Variants in ZSWIM3 observed in about 807,000 individuals in gnomAD.
ZSWIM3 encodes zinc finger SWIM-type containing 3, also known as zinc finger SWIM domain-containing protein 3.
A neutral mutation model predicts 47.5 loss-of-function variants in ZSWIM3; 27 were observed. The observed-to-expected ratio is 0.57, with a 90% CI of 0.42 to 0.78. ZSWIM3 has a LOEUF of 0.78. Among genes scored for constraint, ZSWIM3 ranks in the 30% least tolerant of loss-of-function variants. The probability of loss-of-function intolerance (pLI) is 0.00; values close to 1 mark genes in which losing one functional copy is unlikely to be tolerated. For synonymous variants in ZSWIM3, 333 were observed against 333.9 expected (o/e 1.00, Z 0.03); for missense variants, 689 against 861.3 (o/e 0.80, Z 2.50).
At chr20:45,872,636 G>A (rs1985999146) in intron 1 of ZSWIM3, 1 of 1,090,642 alleles carries the variant, frequency 9.2e-7, no homozygotes. Flanking sequence ...AGAGCATGGT[G>A]AACACACAAA....
At chr20:45,865,887 G>A (rs910865573) in intron 1 of ZSWIM3, among the ~76,000 whole-genome samples, 2 of 151,706 alleles carry the variant, frequency 1.3e-5, no homozygotes, top group Admixed American at 6.6e-5. Context: ...CAGCTACTCC[G>A]GAGGGTGAGG....
In ZSWIM3 at chr20:45,878,160, GC is replaced by G; in HGVS notation, c.1603del (p.Leu535CysfsTer2). ...DMAGSSVDVQLLEDSHQVSKD... is the reference protein window; with the variant it reads ...DMAGSSVDVQXLEDSHQVSKD... ...TGGCTGGCTCTTCAGTGGACGTTCA[GC>G]TGCTAGAGGACTCTCACCAGGTTAG... On this transcript the variant is annotated frameshift_variant, in exon 2 of 2. Transcript: ENST00000255152. LOFTEE classifies it high-confidence loss of function. 6.2e-7 allele frequency: 1 copy of G among 1,614,212 alleles called. No individual in the cohort carries two copies. Among genetic ancestry groups the G allele is most frequent in the Non-Finnish European group, 8.5e-7 (1 of 1,180,048 alleles).
At chr20:45,873,853 G>A (rs1275917114) in intron 1 of ZSWIM3, among the ~76,000 whole-genome samples, 1 of 152,212 alleles carries the variant, frequency 6.6e-6, no homozygotes, top group African/African-American at 2.4e-5. Context: ...AGAGGCAGGA[G>A]CAATTACTGT....
At chr20:45,874,841 G>T (rs977402294) in intron 1 of ZSWIM3, among the ~76,000 whole-genome samples, 8 of 151,994 alleles carry the variant, frequency 5.3e-5, no homozygotes, top group African/African-American at 1.9e-4. Context: ...TTAGAAGTGC[G>T]GTAGAGGAAT....
intron 1 of ZSWIM3, among the ~76,000 whole-genome samples, chr20:45,875,850 G>T (rs1312566827): frequency 6.6e-6 from 1 of 151,764 alleles, no homozygotes; most frequent in African/African-American, 2.4e-5. Context: ...TTAAAAAAAA[G>T]AGATAGACTC....
At chr20:45,870,329 G>A (rs1052062982) in intron 1 of ZSWIM3, among the ~76,000 whole-genome samples, 36 of 138,560 alleles carry the variant, frequency 2.6e-4, no homozygotes, top group African/African-American at 8.9e-4. Flanking sequence ...GACAGAGGGA[G>A]ACTCCGTCTC....
chr20:45,878,425 A>G lies in ZSWIM3; in HGVS notation c.1867A>G (p.Ser623Gly), dbSNP rs1395690529. Reference protein sequence around the residue: ...QGRNDMIQDLSRELANLLMQT... With the variant: ...QGRNDMIQDLGRELANLLMQT... ...ACGGAACGACATGATTCAGGACCTA[A>G]GCAGGGAGTTAGCAAACCTGCTCAT... Residue 623 changes from serine (S) to glycine (G), a missense_variant, in exon 2 of 2, where the codon AGC (serine) becomes GGC (glycine). Physicochemically the swap from Ser to Gly is moderately conservative, Grantham distance 56 (BLOSUM62 0). Transcript: ENST00000255152. 1.2e-6 allele frequency: 2 copies of G among 1,614,096 alleles called. No individual in the cohort carries two copies. The highest frequency in any genetic ancestry group is 2.7e-5 in the African/African-American group (2 of 74,936).
rs1986171591 is a variant in ZSWIM3 at position 45,878,667 on chromosome 20, A to G, written c.*18A>G. 1 of 1,587,552 alleles carries G rather than the reference A, an allele frequency of 6.3e-7. No individual in the cohort carries two copies. The highest frequency in any genetic ancestry group is 1.3e-5 in the African/African-American group (1 of 74,306). ...ATTATTGAAGCACTTTAGCTGAAGC[A>G]TTGGACCACAAACACTTCTCCTTGG... On this transcript the variant is annotated 3_prime_UTR_variant, in exon 2 of 2. Transcript: ENST00000255152.
chr20:45,874,519 A>C (rs1451292739), intron 1 of ZSWIM3, among the ~76,000 whole-genome samples: 2 of 152,194 alleles, frequency 1.3e-5, no homozygotes, highest in East Asian at 3.8e-4. Flanking sequence ...TTTCAAAAAG[A>C]AAGATGAGCA....
intron 1 of ZSWIM3, among the ~76,000 whole-genome samples, chr20:45,860,705 C>T (rs1012622532): frequency 3.3e-5 from 5 of 152,080 alleles, no homozygotes; most frequent in Non-Finnish European, 5.9e-5. Context: ...CCCTCTTCCA[C>T]TTTTAAGGAT....
intron 1 of ZSWIM3, among the ~76,000 whole-genome samples, chr20:45,862,636 C>T (rs1482257900): frequency 6.6e-6 from 1 of 152,086 alleles, no homozygotes; most frequent in Non-Finnish European, 1.5e-5. Context: ...AGACTACAGG[C>T]ATGCACCACC....
At chr20:45,864,637 C>T (rs1223908148) in intron 1 of ZSWIM3, among the ~76,000 whole-genome samples, 1 of 151,942 alleles carries the variant, frequency 6.6e-6, no homozygotes, top group Non-Finnish European at 1.5e-5. Flanking sequence ...TCGAGGCGGG[C>T]GGATCACTTA....
At chr20:45,876,646 G>T (rs1014022911) in intron 1 of ZSWIM3, 68 bp from the exon 2 acceptor site, 4 of 1,543,970 alleles carry the variant, frequency 2.6e-6, no homozygotes, top group African/African-American at 2.8e-5. Context: ...GCCCCCTTCA[G>T]GGTCTTATCT....
At chr20:45,861,289 G>T (rs113783773) in intron 1 of ZSWIM3, among the ~76,000 whole-genome samples, 2 of 152,242 alleles carry the variant, frequency 1.3e-5, no homozygotes, top group Non-Finnish European at 2.9e-5. Context: ...AGTGGTGTGT[G>T]CCTGTAGTAC....
chr20:45,877,273 G>C lies in ZSWIM3; in HGVS notation c.715G>C (p.Val239Leu), dbSNP rs889903504. 1.2e-6 allele frequency: 2 copies of C among 1,614,026 alleles called. No homozygotes were observed. Among genetic ancestry groups the C allele is most frequent in the African/African-American group, 2.7e-5 (2 of 74,912 alleles). ...TQGHILYAFL[V>L]ENKERESRVV... ...GGGCCACATCCTCTATGCTTTCTTG[G>C]TGGAGAACAAGGAACGAGAAAGTCG... The change falls in exon 2 of 2, where the codon GTG (valine) becomes CTG (leucine). Residue 239 changes from valine (V) to leucine (L), a missense_variant. By Grantham distance (32) the Val-to-Leu change is conservative. Transcript: ENST00000255152.
chr20:45,869,435 C>T (rs935473481), intron 1 of ZSWIM3, among the ~76,000 whole-genome samples: 5 of 151,776 alleles, frequency 3.3e-5, no homozygotes, highest in Non-Finnish European at 7.4e-5. Context: ...AGGAGAATCA[C>T]TTGAATCTGG....
intron 1 of ZSWIM3, among the ~76,000 whole-genome samples, chr20:45,866,276 T>TGACAGACTG (rs1319242855): frequency 6.6e-6 from 1 of 152,040 alleles, no homozygotes; most frequent in Non-Finnish European, 1.5e-5. Context: ...CCAGTCTTGG[T>TGACAGACTG]GACAGAGCGA....
rs767565586 is a variant in ZSWIM3 at position 45,877,289 on chromosome 20, G to A, written c.731G>A (p.Arg244Gln). ...GCTTTCTTGGTGGAGAACAAGGAAC[G>A]AGAAAGTCGAGTGGTGCACTTTGCT... is the stretch of plus-strand genomic sequence containing the variant. ...LYAFLVENKE[R>Q]ESRVVHFAVL... The change falls in exon 2 of 2, where the codon CGA becomes CAA. Residue 244 changes from arginine (R) to glutamine (Q), a missense_variant. By Grantham distance (43) the Arg-to-Gln change is conservative. Transcript: ENST00000255152. The A allele has an allele frequency of 6.2e-6, 10 of 1,614,040 alleles. No homozygotes were observed. In the African/African-American group the frequency reaches 6.7e-5, roughly 11 times the overall value.
rs1986177266 is a variant in ZSWIM3 at position 45,878,894 on chromosome 20, C to T, written c.*245C>T. 3 of 476,530 alleles carry T rather than the reference C, an allele frequency of 6.3e-6. No individual in the cohort carries two copies. The highest frequency in any genetic ancestry group is 3.1e-5 in the South Asian group (1 of 32,446). The allele number at this position is 476,530 out of a possible 1,614,324, so 29.5% of individuals were successfully genotyped here. ...TGTTGTTCAAGGCCAAAGTTATCTC[C>T]GTGCTGCAAGGTCACCCTCTTCCTC... On this transcript the variant is annotated 3_prime_UTR_variant, in exon 2 of 2. Coordinates refer to ENST00000255152, the MANE Select transcript of ZSWIM3 (RefSeq NM_080752.4).
Sources: allele counts gnomAD v4.1 joint callset (sites outside exome capture counted in the v4.1 genomes callset), GRCh38; gene constraint gnomAD v4.1.1; transcripts MANE v1.5; gene names NCBI Gene and HGNC (gene_info 2026-07-23, HGNC 2026-07-21).